Variants in NTM observed in about 807,000 individuals in gnomAD.
NTM encodes IgLON family member 2.
Under a neutral mutation model 42.1 loss-of-function variants are expected in NTM, and 13 were observed. That is an observed-to-expected ratio of 0.31 (90% CI 0.20 to 0.49). NTM has a LOEUF of 0.49. Ranked by LOEUF, NTM falls within the 20% of genes least tolerant of loss-of-function variation. NTM has a pLI of 0.99. For missense variants in NTM, 373 were observed against 452.8 expected (o/e 0.82, Z 1.60); for synonymous variants, 187 against 179.2 (o/e 1.04, Z -0.35).
chr11:131,448,826 G>T (rs751602198), intron 1 of NTM, among the ~76,000 whole-genome samples: 3 of 152,240 alleles, frequency 2.0e-5, no homozygotes, highest in Non-Finnish European at 2.9e-5. Flanking sequence ...CAAGCCTGCT[G>T]CATTCCAGTG....
At chr11:132,327,844 T>A (rs1227743652) in intron 7 of NTM, among the ~76,000 whole-genome samples, 2 of 140,582 alleles carry the variant, frequency 1.4e-5, no homozygotes, top group African/African-American at 5.2e-5. Context: ...CCTTCCTTCC[T>A]TCCATCCTTT....
At chr11:132,084,690 A>G (rs2059489313) in intron 2 of NTM, among the ~76,000 whole-genome samples, 1 of 152,208 alleles carries the variant, frequency 6.6e-6, no homozygotes, top group Non-Finnish European at 1.5e-5. Flanking sequence ...AAAAACCTTT[A>G]CTCATTAAGA....
intron 1 of NTM, among the ~76,000 whole-genome samples, chr11:131,458,795 GT>G (rs1364996102): frequency 6.6e-6 from 1 of 152,234 alleles, no homozygotes; most frequent in Non-Finnish European, 1.5e-5. Context: ...TGCAAACTTA[GT>G]TCACATCAAG....
At position 132,178,288 on chromosome 11, in the gene NTM, A is replaced by G. The variant is rs945429685; in HGVS notation, c.400+31774A>G. Among the ~76,000 whole-genome samples the G allele has an allele frequency of 3.9e-5, 6 of 152,184 alleles. 1 individual carries two copies. The highest frequency in any genetic ancestry group is 8.8e-5 in the Non-Finnish European group (6 of 68,028). On this transcript the variant is annotated intron_variant, in intron 3 of 8. Coordinates refer to ENST00000683400, the MANE Select transcript of NTM (RefSeq NM_001352005.2). ...GGAAAGATAAACTTTAATAATATGTAAGTTATTTTGTTTCCATTTTTATTC... is the reference window on the plus strand; with the variant it reads ...GGAAAGATAAACTTTAATAATATGTGAGTTATTTTGTTTCCATTTTTATTC...
chr11:132,318,897 G>A (rs915709424), intron 7 of NTM, among the ~76,000 whole-genome samples: 3 of 151,878 alleles, frequency 2.0e-5, no homozygotes, highest in Admixed American at 2.0e-4. Context: ...GAAGGTGCAT[G>A]ACAGATGAAA....
At chr11:131,510,227 C>G (rs2048051296) in intron 1 of NTM, among the ~76,000 whole-genome samples, 1 of 152,234 alleles carries the variant, frequency 6.6e-6, no homozygotes. Flanking sequence ...TCTTGTCACT[C>G]TCGCATCCCT....
At chr11:132,091,014 C>G (rs928024450) in intron 2 of NTM, among the ~76,000 whole-genome samples, 1 of 152,160 alleles carries the variant, frequency 6.6e-6, no homozygotes, top group African/African-American at 2.4e-5. Flanking sequence ...TCCACACAAG[C>G]CTTTACTGTG....
At chr11:131,424,178 G>A (rs1249265416) in intron 1 of NTM, among the ~76,000 whole-genome samples, 2 of 152,098 alleles carry the variant, frequency 1.3e-5, no homozygotes, top group Non-Finnish European at 2.9e-5. Flanking sequence ...AAGCACTAAT[G>A]CAGAATAGGA....
intron 3 of NTM, among the ~76,000 whole-genome samples, chr11:132,147,879 C>T (rs749444945): frequency 6.6e-6 from 1 of 152,040 alleles, no homozygotes; most frequent in African/African-American, 2.4e-5. Context: ...TGAAGTGAGC[C>T]GGAAGAAGGA....
intron 1 of NTM, among the ~76,000 whole-genome samples, chr11:131,907,614 T>C (rs563280109): frequency 6.6e-6 from 1 of 152,106 alleles, no homozygotes; most frequent in African/African-American, 2.4e-5. Context: ...ACAGTATATG[T>C]GTATGCACGA....
intron 1 of NTM, among the ~76,000 whole-genome samples, chr11:131,844,650 T>C (rs10791176): frequency 0.57 from 86,023 of 151,902 alleles, 25,347 homozygotes; most frequent in Admixed American, 0.68. Context: ...TGGTTTTCAA[T>C]AGAGTTTTGT....
intron 1 of NTM, among the ~76,000 whole-genome samples, chr11:131,832,443 G>T (rs1459302374): frequency 6.6e-6 from 1 of 152,088 alleles, no homozygotes; most frequent in African/African-American, 2.4e-5. Flanking sequence ...TGGTAAAAAG[G>T]TATCATGATT....
chr11:131,447,495 T>A (rs1240568859), intron 1 of NTM, among the ~76,000 whole-genome samples: 1 of 152,084 alleles, frequency 6.6e-6, no homozygotes, highest in Admixed American at 6.5e-5. Context: ...CAATTCCTAA[T>A]CCCCACATTA....
At chr11:132,161,357 G>A (rs1422287498) in intron 3 of NTM, among the ~76,000 whole-genome samples, 3 of 135,198 alleles carry the variant, frequency 2.2e-5, no homozygotes, top group African/African-American at 8.6e-5. Flanking sequence ...TTCTCATTTG[G>A]TCTTTCGAGC....
intron 3 of NTM, among the ~76,000 whole-genome samples, chr11:132,193,518 TAAAAG>T (rs1360158114): frequency 1.3e-5 from 2 of 152,088 alleles, no homozygotes; most frequent in East Asian, 3.9e-4. Context: ...TAAACAGTGT[TAAAAG>T]GAAAGTTTAT....
chr11:132,074,714 A>G (rs1206770536), intron 2 of NTM, among the ~76,000 whole-genome samples: 1 of 152,238 alleles, frequency 6.6e-6, no homozygotes, highest in East Asian at 1.9e-4. Context: ...TGTGGAATTT[A>G]CATACAGTGG....
At chr11:132,093,563 A>G (rs1414202556) in intron 2 of NTM, among the ~76,000 whole-genome samples, 1 of 152,142 alleles carries the variant, frequency 6.6e-6, no homozygotes, top group Non-Finnish European at 1.5e-5. Context: ...GCTTTCTTTA[A>G]CACACACACA....
chr11:131,812,902 G>A (rs1034126143), intron 1 of NTM, among the ~76,000 whole-genome samples: 1 of 152,208 alleles, frequency 6.6e-6, no homozygotes, highest in African/African-American at 2.4e-5. Flanking sequence ...GGGACAGCCA[G>A]GAGATGAGGC....
intron 3 of NTM, among the ~76,000 whole-genome samples, chr11:132,186,880 G>C (rs932415134): frequency 1.3e-5 from 2 of 152,184 alleles, no homozygotes; most frequent in African/African-American, 4.8e-5. Context: ...GTGGGGATCC[G>C]GATGATTTCC....
Sources: allele counts gnomAD v4.1 joint callset (sites outside exome capture counted in the v4.1 genomes callset), GRCh38; gene constraint gnomAD v4.1.1; transcripts MANE v1.5; gene names NCBI Gene and HGNC (gene_info 2026-07-23, HGNC 2026-07-21).